The following PPP2R5E variants were observed in gnomAD, a reference collection of about 807,000 sequenced individuals.
The protein encoded by PPP2R5E is serine/threonine-protein phosphatase 2A 56 kDa regulatory subunit epsilon isoform.
PPP2R5E carries 4 observed loss-of-function variants against 65.3 expected under a neutral mutation model. The ratio of observed to expected loss-of-function variants is 0.06; its 90% CI spans 0.03 to 0.14. The LOEUF is 0.14. Ranked by LOEUF, PPP2R5E falls within the 10% of genes least tolerant of loss-of-function variation. The pLI is 1.00. For missense variants in PPP2R5E, 274 were observed against 556.1 expected (o/e 0.49, Z 5.10); for synonymous variants, 183 against 187.4 (o/e 0.98, Z 0.19).
chr14:63,461,759 T>C (rs1049387898), intron 2 of PPP2R5E, among the ~76,000 whole-genome samples: 11 of 151,984 alleles, frequency 7.2e-5, no homozygotes, highest in Non-Finnish European at 1.2e-4. Context: ...CGTGCTACTG[T>C]ACTCCACCCT....
chr14:63,438,923 G>GTA (rs1888070872), intron 3 of PPP2R5E, among the ~76,000 whole-genome samples: 1 of 151,724 alleles, frequency 6.6e-6, no homozygotes, highest in Non-Finnish European at 1.5e-5. Context: ...ACTTAGGGCA[G>GTA]TATATATATA....
intron 2 of PPP2R5E, among the ~76,000 whole-genome samples, chr14:63,508,638 G>A (rs1262174326): frequency 6.6e-6 from 1 of 152,212 alleles, no homozygotes; most frequent in Non-Finnish European, 1.5e-5. Context: ...GGCAAAACTG[G>A]ACTGAAGTCC....
At chr14:63,447,528 A>G (rs1008523461) in intron 3 of PPP2R5E, among the ~76,000 whole-genome samples, 23 of 152,234 alleles carry the variant, frequency 1.5e-4, no homozygotes, top group Admixed American at 1.5e-3. Flanking sequence ...GCTTTGGCAT[A>G]AGGAACGTTG....
chr14:63,481,778 T>C (rs2139597430), intron 2 of PPP2R5E, among the ~76,000 whole-genome samples: 1 of 152,310 alleles, frequency 6.6e-6, no homozygotes, highest in South Asian at 2.1e-4. Flanking sequence ...ATTTTAACTT[T>C]CTTTATTTTA....
rs10131929 is a variant in PPP2R5E, at chr14:63,389,855, T to C, written c.955-124A>G. On this transcript the variant is annotated intron_variant, in intron 10 of 13. Transcript: ENST00000337537. ...ATTTACACATAAAACCAAACATACA[T>C]GAACCAGTCATTATCCCATGTTAGA... 2,797 of 1,045,480 alleles carry C rather than the reference T, an allele frequency of 2.7e-3. 55 individuals carry two copies. The African/African-American group carries it at 0.04, about 15-fold the overall frequency. 64.8% of individuals were successfully genotyped at this position (1,045,480 alleles called of 1,614,324 possible).
chr14:63,523,127 A>G (rs1255768), intron 2 of PPP2R5E, among the ~76,000 whole-genome samples: 56,240 of 140,820 alleles, frequency 0.4, 14,042 homozygotes, highest in African/African-American at 0.74. Flanking sequence ...CCTTCCGGGA[A>G]GTGGGGGGCG....
intron 3 of PPP2R5E, among the ~76,000 whole-genome samples, chr14:63,431,600 C>A (rs188102019): frequency 1.1e-3 from 162 of 152,276 alleles, no homozygotes; most frequent in African/African-American, 3.7e-3. Context: ...GCCACTCCAG[C>A]AAGCCTGTCC....
chr14:63,529,561 T>A (rs1004152140), intron 2 of PPP2R5E, among the ~76,000 whole-genome samples: 1 of 150,542 alleles, frequency 6.6e-6, no homozygotes, highest in African/African-American at 2.4e-5. Context: ...GTATTTTTAG[T>A]AGACACGGGT....
At chr14:63,519,507 A>ATTTTTTTTTT (rs557285871) in intron 2 of PPP2R5E, among the ~76,000 whole-genome samples, 3 of 124,326 alleles carry the variant, frequency 2.4e-5, no homozygotes, top group African/African-American at 6.6e-5. Context: ...TGCCCAGCTA[A>ATTTTTTTTTT]TTTTTTTTTT....
intron 2 of PPP2R5E, among the ~76,000 whole-genome samples, chr14:63,486,022 G>A (rs1359325590): frequency 6.6e-6 from 1 of 151,150 alleles, no homozygotes; most frequent in Non-Finnish European, 1.5e-5. Flanking sequence ...TAGAGACAGG[G>A]TTTCACCATG....
chr14:63,373,164 T>C lies in PPP2R5E; in HGVS notation c.*2845A>G, dbSNP rs1397800565. The C allele has an allele frequency of 6.6e-6, 1 of 152,174 alleles. No homozygotes were observed. Among genetic ancestry groups the C allele is most frequent in the Non-Finnish European group, 1.5e-5 (1 of 68,022 alleles). The allele number at this position is 152,174 out of a possible 1,614,324, so 9.4% of individuals were successfully genotyped here. On this transcript the variant is annotated 3_prime_UTR_variant, in exon 14 of 14. Transcript: ENST00000337537. ...CCACAGGGTTGTGTGTATTTTTCTC[T>C]TCCAAAGACACTCTTAATCCTATCC... is the stretch of plus-strand genomic sequence containing the variant.
intron 2 of PPP2R5E, among the ~76,000 whole-genome samples, chr14:63,522,858 T>TG (rs869247634): frequency 0.012 from 1,502 of 125,242 alleles, 18 homozygotes; most frequent in African/African-American, 0.046. Context: ...AGGAGGGAGG[T>TG]GGGGGGGGTC....
intron 2 of PPP2R5E, among the ~76,000 whole-genome samples, chr14:63,507,619 G>A (rs189300699): frequency 0.013 from 1,540 of 115,550 alleles, 9 homozygotes; most frequent in Non-Finnish European, 0.019. Flanking sequence ...TTGTTCTGTC[G>A]CCCAGGCTGG....
chr14:63,454,017 G>T, intron 2 of PPP2R5E, 132 bp from the exon 3 acceptor site: 1 of 649,198 alleles, frequency 1.5e-6, no homozygotes. Flanking sequence ...CTTTTTCACA[G>T]TTACACATGG....
At chr14:63,435,629 C>T (rs1464431783) in intron 3 of PPP2R5E, among the ~76,000 whole-genome samples, 1 of 152,116 alleles carries the variant, frequency 6.6e-6, no homozygotes, top group Non-Finnish European at 1.5e-5. Context: ...TAAGTCTAAC[C>T]TCCTCTGCTT....
chr14:63,507,738 C>T (rs1892269976), intron 2 of PPP2R5E, among the ~76,000 whole-genome samples: 1 of 149,084 alleles, frequency 6.7e-6, no homozygotes, highest in Non-Finnish European at 1.5e-5. Context: ...CGCCACCACT[C>T]GGCCAATTTT....
chr14:63,530,227 T>G lies in PPP2R5E; in HGVS notation c.157+9302A>C, dbSNP rs12880127. On this transcript the variant is annotated intron_variant, in intron 2 of 13. Coordinates refer to ENST00000337537, the MANE Select transcript of PPP2R5E (RefSeq NM_006246.5). ...AACCCTAAGTTAAGAAATTTTTCCG[T>G]TTTTTTTTTTTTTTTTTTTTTTGAG... Among the ~76,000 whole-genome samples, 88 of 66,774 alleles carry G rather than the reference T, an allele frequency of 1.3e-3. 2 individuals carry two copies. Among genetic ancestry groups the G allele is most frequent in the South Asian group, 0.012 (32 of 2,610 alleles). The allele number at this position is 66,774 out of a possible 152,430, so 43.8% of individuals were successfully genotyped here.
chr14:63,381,095 G>A (rs1884328075), intron 13 of PPP2R5E, among the ~76,000 whole-genome samples: 1 of 152,136 alleles, frequency 6.6e-6, no homozygotes, highest in Non-Finnish European at 1.5e-5. Flanking sequence ...CAACTACTAA[G>A]AGCTCTCTAG....
At chr14:63,540,281 A>C (rs1893839011) in intron 1 of PPP2R5E, among the ~76,000 whole-genome samples, 1 of 151,736 alleles carries the variant, frequency 6.6e-6, no homozygotes. Context: ...AAATACAAAA[A>C]TTAGCCAGGC....
Sources: allele counts gnomAD v4.1 joint callset (sites outside exome capture counted in the v4.1 genomes callset), GRCh38; gene constraint gnomAD v4.1.1; transcripts MANE v1.5; gene names NCBI Gene and HGNC (gene_info 2026-07-23, HGNC 2026-07-21).